The following CNTNAP2 variants were observed in gnomAD, a reference collection of about 807,000 sequenced individuals.
CNTNAP2 encodes contactin-associated protein-like 2.
In CNTNAP2, 98 loss-of-function variants were observed where a neutral mutation model predicts 155.2. The observed-to-expected ratio is 0.63, with a 90% CI of 0.54 to 0.75. The LOEUF (loss-of-function observed/expected upper bound fraction) is 0.75. CNTNAP2 is among the 30% of genes least tolerant of loss of function. The pLI, the probability that CNTNAP2 is intolerant of heterozygous loss-of-function variation, is 0.00. For missense variants in CNTNAP2, 1,727 were observed against 1,688.1 expected (o/e 1.02, Z -0.40); for synonymous variants, 651 against 631.2 (o/e 1.03, Z -0.47).
intron 3 of CNTNAP2, among the ~76,000 whole-genome samples, chr7:146,980,328 G>C (rs1797990535): frequency 6.6e-6 from 1 of 152,234 alleles, no homozygotes; most frequent in South Asian, 2.1e-4. Context: ...TGAGCTGTAT[G>C]TGTCGGTGAA....
intron 15 of CNTNAP2, among the ~76,000 whole-genome samples, chr7:148,041,759 C>T (rs535449959): frequency 6.6e-6 from 1 of 152,246 alleles, no homozygotes; most frequent in Non-Finnish European, 1.5e-5. Context: ...TTAAAACAGT[C>T]ACACCTTAGT....
chr7:148,239,770 C>T (rs1157781359), intron 20 of CNTNAP2, among the ~76,000 whole-genome samples: 1 of 152,188 alleles, frequency 6.6e-6, no homozygotes, highest in Non-Finnish European at 1.5e-5. Context: ...CTCAGGCCAC[C>T]TCCACACTGA....
At chr7:146,330,009 TTTC>T in intron 1 of CNTNAP2, among the ~76,000 whole-genome samples, 1 of 143,570 alleles carries the variant, frequency 7.0e-6, no homozygotes, top group African/African-American at 2.7e-5. Flanking sequence ...CAACAAGTAC[TTTC>T]TTTTTTTTTT....
At chr7:147,127,997 A>G (rs1252945499) in intron 6 of CNTNAP2, among the ~76,000 whole-genome samples, 4 of 152,148 alleles carry the variant, frequency 2.6e-5, no homozygotes, top group African/African-American at 9.7e-5. Flanking sequence ...TAAGAAATGG[A>G]TATTTTCTTT....
At position 148,229,759 on chromosome 7, in the gene CNTNAP2, GAGA is replaced by G; in HGVS notation, c.3365_3367del (p.Lys1122del). 1 of 1,614,046 alleles carries G rather than the reference GAGA, an allele frequency of 6.2e-7. No homozygotes were observed. Among genetic ancestry groups the G allele is most frequent in the Non-Finnish European group, 8.5e-7 (1 of 1,180,004 alleles). On this transcript the variant is annotated inframe_deletion, in exon 20 of 24. Coordinates refer to ENST00000361727, the MANE Select transcript of CNTNAP2 (RefSeq NM_014141.6). The stretch of plus-strand genomic sequence containing the variant: ...CCACAGTGTCAACATCACCCGCCAC[GAGA>G]AGACCATCTTTCTCAAGGTATACAT...
At chr7:146,721,801 C>CTACATA (rs1801331888) in intron 1 of CNTNAP2, among the ~76,000 whole-genome samples, 1 of 109,160 alleles carries the variant, frequency 9.2e-6, no homozygotes, top group African/African-American at 4.3e-5. Flanking sequence ...CATATATAGA[C>CTACATA]TATATATAGT....
At chr7:146,919,186 A>G (rs1310089422) in intron 3 of CNTNAP2, among the ~76,000 whole-genome samples, 1 of 152,102 alleles carries the variant, frequency 6.6e-6, no homozygotes, top group African/African-American at 2.4e-5. Context: ...TTTTCTGGCA[A>G]TTCAGAGATT....
chr7:146,918,526 T>C (rs967311559), intron 3 of CNTNAP2, among the ~76,000 whole-genome samples: 21 of 152,242 alleles, frequency 1.4e-4, no homozygotes, highest in South Asian at 6.2e-4. Flanking sequence ...TTCTAGCTTG[T>C]AGAGTTTCTG....
At chr7:147,034,081 T>G (rs1374605336) in intron 3 of CNTNAP2, among the ~76,000 whole-genome samples, 1 of 152,134 alleles carries the variant, frequency 6.6e-6, no homozygotes, top group African/African-American at 2.4e-5. Flanking sequence ...TTCATGAATT[T>G]TCTAGAAAAG....
Position 148,004,145 on chromosome 7 carries a change from T to A in CNTNAP2, c.2383+26156T>A, listed in dbSNP as rs575794930. Among the ~76,000 whole-genome samples the A allele has an allele frequency of 7.2e-5, 11 of 152,322 alleles. No homozygotes were observed. In the East Asian group the frequency reaches 2.1e-3, roughly 29 times the overall value. On this transcript the variant is annotated intron_variant, in intron 15 of 23. Transcript: ENST00000361727. Reference sequence around the variant, plus strand: ...TCTTAGTTGTAATAAGTATACAAAATCTTTCTGCATGTAATGTGTATGCTA... The same window carrying A: ...TCTTAGTTGTAATAAGTATACAAAAACTTTCTGCATGTAATGTGTATGCTA...
intron 9 of CNTNAP2, among the ~76,000 whole-genome samples, chr7:147,350,384 C>T (rs1036323811): frequency 2.0e-5 from 3 of 151,710 alleles, no homozygotes; most frequent in African/African-American, 7.3e-5. Context: ...CAAGTAATAC[C>T]CCTCTAAGCG....
intron 3 of CNTNAP2, among the ~76,000 whole-genome samples, chr7:146,844,039 G>A (rs181274369): frequency 7.0e-4 from 107 of 152,076 alleles, no homozygotes; most frequent in South Asian, 3.5e-3. Flanking sequence ...TGATTGTTGG[G>A]GAAATGGACA....
intron 2 of CNTNAP2, among the ~76,000 whole-genome samples, chr7:146,833,883 AT>A (rs1293768861): frequency 6.6e-6 from 1 of 152,090 alleles, no homozygotes; most frequent in Non-Finnish European, 1.5e-5. Flanking sequence ...TGTTTATCTT[AT>A]TTTTTGATCC....
intron 9 of CNTNAP2, among the ~76,000 whole-genome samples, chr7:147,323,649 G>A (rs1392988925): frequency 2.0e-5 from 3 of 151,828 alleles, no homozygotes; most frequent in African/African-American, 7.2e-5. Flanking sequence ...TTTCTGTCTC[G>A]TTGATCTGTC....
chr7:147,551,233 T>C (rs1035637074), intron 11 of CNTNAP2, among the ~76,000 whole-genome samples: 5 of 152,206 alleles, frequency 3.3e-5, no homozygotes, highest in African/African-American at 1.2e-4. Context: ...TCTCATGCTG[T>C]CTGCTGTAAA....
intron 9 of CNTNAP2, among the ~76,000 whole-genome samples, chr7:147,368,626 C>T (rs1392694744): frequency 6.6e-6 from 1 of 152,142 alleles, no homozygotes; most frequent in Non-Finnish European, 1.5e-5. Context: ...GCTCTGGCTA[C>T]TGCAACCTTT....
At chr7:146,841,188 T>C (rs1002227921) in intron 3 of CNTNAP2, among the ~76,000 whole-genome samples, 4 of 152,202 alleles carry the variant, frequency 2.6e-5, no homozygotes, top group African/African-American at 9.7e-5. Flanking sequence ...ATTTTAAAGC[T>C]CCGATGGTGA....
At chr7:146,133,062 T>C (rs1311524036) in intron 1 of CNTNAP2, among the ~76,000 whole-genome samples, 1 of 147,462 alleles carries the variant, frequency 6.8e-6, no homozygotes, top group Non-Finnish European at 1.5e-5. Context: ...CTCCACATCC[T>C]CTCCAGCACC....
intron 1 of CNTNAP2, among the ~76,000 whole-genome samples, chr7:146,144,220 C>T (rs1797923876): frequency 2.6e-5 from 4 of 152,072 alleles, no homozygotes; most frequent in South Asian, 2.1e-4. Flanking sequence ...AGTGTGATCT[C>T]AGCTCACTGC....
Sources: allele counts gnomAD v4.1 joint callset (sites outside exome capture counted in the v4.1 genomes callset), GRCh38; gene constraint gnomAD v4.1.1; transcripts MANE v1.5; gene names NCBI Gene and HGNC (gene_info 2026-07-23, HGNC 2026-07-21).